The following ATP2C2 variants were observed in gnomAD, a reference collection of about 807,000 sequenced individuals.
The protein encoded by ATP2C2 is ATPase secretory pathway Ca2+ transporting 2, also known as calcium-transporting ATPase type 2C member 2.
A neutral mutation model predicts 110.8 loss-of-function variants in ATP2C2; 171 were observed. That is an observed-to-expected ratio of 1.54 (90% CI 1.36 to 1.75). The LOEUF is 1.75. ATP2C2 is among the 40% of genes most tolerant of loss of function. The pLI, the probability that ATP2C2 is intolerant of heterozygous loss-of-function variation, is 0.00. For missense variants in ATP2C2, 1,963 were observed against 1,235.0 expected (o/e 1.59, Z -8.84); for synonymous variants, 804 against 508.4 (o/e 1.58, Z -7.82).
intron 2 of ATP2C2, among the ~76,000 whole-genome samples, chr16:84,400,300 T>A (rs1728151838): frequency 6.6e-6 from 1 of 151,900 alleles, no homozygotes. Flanking sequence ...GGACTGGGGA[T>A]CATATAATAG....
intron 17 of ATP2C2, 59 bp from the exon 18 acceptor site, chr16:84,451,862 C>G (rs150955430): frequency 1.3e-6 from 2 of 1,518,348 alleles, no homozygotes; most frequent in African/African-American, 1.4e-5. Flanking sequence ...CAACCAACAA[C>G]AAAAAACGAC....
At position 84,453,303 on chromosome 16, in the gene ATP2C2, C is replaced by T. The variant is rs770369092; in HGVS notation, c.1930-18C>T. The T allele has an allele frequency of 6.8e-6, 11 of 1,614,152 alleles. No individual in the cohort carries two copies. The highest frequency in any genetic ancestry group is 5.5e-5 in the South Asian group (5 of 91,076). On this transcript the variant is annotated intron_variant, in intron 19 of 26. Transcript: ENST00000262429. ...GCTTTGAAATCTGATTCTTCGTCTT[C>T]CCCGTCTCCGTGTCCAGGTGTCCGT...
chr16:84,453,562 G>A (rs978598251), intron 20 of ATP2C2, among the ~76,000 whole-genome samples, 191 bp downstream of exon 20: 8 of 152,156 alleles, frequency 5.3e-5, no homozygotes, highest in East Asian at 1.9e-4. Context: ...GAGCAGGGGC[G>A]CGTGGGCAGC....
intron 15 of ATP2C2, among the ~76,000 whole-genome samples, chr16:84,444,162 C>CCAA (rs1909526558): frequency 9.6e-6 from 1 of 104,572 alleles, no homozygotes; most frequent in African/African-American, 3.9e-5. Flanking sequence ...GATCCTGCCT[C>CCAA]AAAAAAAAAA....
chr16:84,434,827 C>G (rs191420932), intron 11 of ATP2C2, among the ~76,000 whole-genome samples: 2 of 152,294 alleles, frequency 1.3e-5, no homozygotes, highest in African/African-American at 2.4e-5. Context: ...CCATTCTAAT[C>G]TTTATTAGTC....
intron 23 of ATP2C2, chr16:84,459,664 C>T (rs1597883819): frequency 7.4e-7 from 1 of 1,349,598 alleles, no homozygotes; most frequent in African/African-American, 1.4e-5. Flanking sequence ...CATTCTCATG[C>T]TTCATTCCAG....
intron 16 of ATP2C2, among the ~76,000 whole-genome samples, chr16:84,447,847 TTA>T (rs1909897636): frequency 1.8e-5 from 1 of 56,268 alleles, no homozygotes; most frequent in Non-Finnish European, 4.3e-5. Context: ...GTAATTAATA[TTA>T]TATTTATTAA....
intron 6 of ATP2C2, among the ~76,000 whole-genome samples, chr16:84,412,677 G>A (rs1906481514): frequency 1.3e-5 from 2 of 152,088 alleles, no homozygotes; most frequent in Admixed American, 6.6e-5. Flanking sequence ...CGTTCTCCTA[G>A]TAGAAAATGA....
chr16:84,442,429 T>C lies in ATP2C2; in HGVS notation c.1312-81T>C, dbSNP rs1032732284. Reference sequence around the variant, plus strand: ...AGTCTTGTCCCCACAACCCCAGCTGTAAAAATGGGACAGGCCCACAATGTC... The same window carrying C: ...AGTCTTGTCCCCACAACCCCAGCTGCAAAAATGGGACAGGCCCACAATGTC... On this transcript the variant is annotated intron_variant, in intron 14 of 26. Coordinates refer to ENST00000262429, the MANE Select transcript of ATP2C2 (RefSeq NM_014861.4). 3.3e-5 allele frequency: 45 copies of C among 1,375,388 alleles called. No individual in the cohort carries two copies. The African/African-American group carries it at 6.0e-4, about 18-fold the overall frequency. 85.2% of individuals were successfully genotyped at this position (1,375,388 alleles called of 1,614,324 possible). A position where few individuals can be genotyped will look rare whatever the true frequency, so the allele number is the denominator to read the frequency against.
At chr16:84,452,171 C>T in intron 18 of ATP2C2, 80 bp downstream of exon 18, 1 of 1,555,460 alleles carries the variant, frequency 6.4e-7, no homozygotes. Flanking sequence ...AAAGGGAAGC[C>T]TCCGCAAACT....
intron 1 of ATP2C2, among the ~76,000 whole-genome samples, chr16:84,387,598 G>A (rs528848260): frequency 4.6e-5 from 7 of 152,294 alleles, no homozygotes; most frequent in East Asian, 1.9e-4. Flanking sequence ...ATGAAGCAGC[G>A]TACTTAGAAT....
chr16:84,403,012 A>G (rs1261255976), intron 2 of ATP2C2, among the ~76,000 whole-genome samples: 1 of 152,104 alleles, frequency 6.6e-6, no homozygotes, highest in Non-Finnish European at 1.5e-5. Context: ...CCATCTTGGT[A>G]GGTTCTGTGT....
intron 1 of ATP2C2, among the ~76,000 whole-genome samples, chr16:84,372,293 G>A (rs1909998624): frequency 6.6e-6 from 1 of 152,172 alleles, no homozygotes; most frequent in Non-Finnish European, 1.5e-5. Flanking sequence ...CTCAGTTACT[G>A]GAAAAGAGTA....
At chr16:84,440,194 G>A (rs952666225) in intron 13 of ATP2C2, among the ~76,000 whole-genome samples, 5 of 152,204 alleles carry the variant, frequency 3.3e-5, no homozygotes, top group Admixed American at 2.6e-4. Context: ...GTGCAGTGGT[G>A]CAATCATGGC....
intron 14 of ATP2C2, among the ~76,000 whole-genome samples, chr16:84,441,177 T>C (rs1016441515): frequency 1.3e-5 from 2 of 152,190 alleles, no homozygotes; most frequent in African/African-American, 4.8e-5. Context: ...TAATGCCCGT[T>C]ATCCCAGCAC....
At chr16:84,393,242 A>C (rs773227927) in intron 1 of ATP2C2, among the ~76,000 whole-genome samples, 5 of 152,176 alleles carry the variant, frequency 3.3e-5, no homozygotes, top group Non-Finnish European at 5.9e-5. Flanking sequence ...GTGTGATTGG[A>C]ATCAACCCGG....
At chr16:84,415,021 T>C (rs1442589736) in intron 6 of ATP2C2, among the ~76,000 whole-genome samples, 1 of 152,038 alleles carries the variant, frequency 6.6e-6, no homozygotes, top group Non-Finnish European at 1.5e-5. Flanking sequence ...AGCATATCCG[T>C]AGTCTGAGGG....
intron 14 of ATP2C2, among the ~76,000 whole-genome samples, 187 bp downstream of exon 14, chr16:84,441,145 C>T (rs190582047): frequency 6.6e-6 from 1 of 152,314 alleles, no homozygotes; most frequent in Non-Finnish European, 1.5e-5. Context: ...AGTAAGACGA[C>T]AGCTAGGCTG....
At chr16:84,444,678 T>G (rs1909584000) in intron 15 of ATP2C2, among the ~76,000 whole-genome samples, 1 of 152,214 alleles carries the variant, frequency 6.6e-6, no homozygotes, top group African/African-American at 2.4e-5. Context: ...TGTGTCACCT[T>G]GCTTCCGCCA....
Sources: allele counts gnomAD v4.1 joint callset (sites outside exome capture counted in the v4.1 genomes callset), GRCh38; gene constraint gnomAD v4.1.1; transcripts MANE v1.5; gene names NCBI Gene and HGNC (gene_info 2026-07-23, HGNC 2026-07-21).